GANC: variants seen among roughly 807,000 people sequenced by gnomAD.
The protein encoded by GANC is glucosidase alpha, neutral C, also known as neutral alpha-glucosidase C.
Under a neutral mutation model 124.2 loss-of-function variants are expected in GANC, and 117 were observed. The ratio of observed to expected loss-of-function variants is 0.94; its 90% CI spans 0.81 to 1.10. GANC has a LOEUF of 1.10. GANC is among the 50% of genes least tolerant of loss of function. The pLI is 0.00. For synonymous variants in GANC, 377 were observed against 376.8 expected (o/e 1.00, Z -0.01); for missense variants, 1,140 against 1,095.0 (o/e 1.04, Z -0.58).
intron 10 of GANC, among the ~76,000 whole-genome samples, chr15:42,315,962 ATAAG>A (rs946294916): frequency 2.0e-5 from 3 of 152,178 alleles, no homozygotes; most frequent in African/African-American, 4.8e-5. Context: ...CTTTAAATAA[ATAAG>A]TATTTGTATC....
chr15:42,277,701 A>G (rs2051685981), intron 2 of GANC, among the ~76,000 whole-genome samples: 2 of 151,480 alleles, frequency 1.3e-5, no homozygotes, highest in Non-Finnish European at 2.9e-5. Flanking sequence ...CCTGGGTTCA[A>G]GCGATTCTTC....
intron 10 of GANC, among the ~76,000 whole-genome samples, chr15:42,318,871 G>C (rs1485699829): frequency 2.0e-5 from 3 of 152,182 alleles, no homozygotes; most frequent in Non-Finnish European, 2.9e-5. Flanking sequence ...AGGGATTACA[G>C]GTGTGAGCCA....
chr15:42,277,223 C>G (rs531783256), intron 2 of GANC, among the ~76,000 whole-genome samples: 1 of 152,234 alleles, frequency 6.6e-6, no homozygotes, highest in South Asian at 2.1e-4. Context: ...CATTTGTACT[C>G]CTATCAACAT....
intron 15 of GANC, among the ~76,000 whole-genome samples, chr15:42,334,771 A>G (rs991119723): frequency 6.6e-6 from 1 of 152,112 alleles, no homozygotes; most frequent in Non-Finnish European, 1.5e-5. Flanking sequence ...AAAAATAATA[A>G]TAACAAAATA....
intron 10 of GANC, among the ~76,000 whole-genome samples, chr15:42,318,075 T>C (rs1219917441): frequency 1.3e-5 from 2 of 152,240 alleles, no homozygotes; most frequent in Non-Finnish European, 2.9e-5. Flanking sequence ...AGTCTACTTC[T>C]TTCCCTGGAG....
intron 10 of GANC, among the ~76,000 whole-genome samples, chr15:42,318,539 C>T (rs754574940): frequency 1.3e-5 from 2 of 152,174 alleles, no homozygotes; most frequent in Non-Finnish European, 2.9e-5. Context: ...CACTAACATT[C>T]CAAATTTCCA....
chr15:42,320,658 A>G (rs1195583633), intron 10 of GANC, among the ~76,000 whole-genome samples: 1 of 151,900 alleles, frequency 6.6e-6, no homozygotes, highest in Non-Finnish European at 1.5e-5. Context: ...CGTGTTGGCC[A>G]GGCTGGTCTC....
intron 19 of GANC, chr15:42,345,022 T>C (rs939326522): frequency 6.6e-6 from 1 of 152,168 alleles, no homozygotes; most frequent in East Asian, 1.9e-4. Flanking sequence ...GGAGGTGAAC[T>C]TGCAAAATAG....
At chr15:42,302,323 G>A (rs994326581) in intron 6 of GANC, among the ~76,000 whole-genome samples, 7 of 152,136 alleles carry the variant, frequency 4.6e-5, no homozygotes, top group Non-Finnish European at 7.3e-5. Context: ...CAAAAAGGAC[G>A]TCCACACAAA....
chr15:42,353,624 T>C lies in GANC; in HGVS notation c.*1485T>C. The C allele has an allele frequency of 2.0e-6, 2 of 985,650 alleles. No homozygotes were observed. The highest frequency in any genetic ancestry group is 2.4e-6 in the Non-Finnish European group (2 of 829,732). The allele number at this position is 985,650 out of a possible 1,614,324, so 61.1% of individuals were successfully genotyped here. On this transcript the variant is annotated 3_prime_UTR_variant, in exon 24 of 24. Coordinates refer to ENST00000318010, the MANE Select transcript of GANC (RefSeq NM_198141.3). ...TCAGTAACTGTTAGCTGTGATTAGTTAGCTGGTGGATTTAATTGATTAAAA... is the reference window on the plus strand; with the variant it reads ...TCAGTAACTGTTAGCTGTGATTAGTCAGCTGGTGGATTTAATTGATTAAAA...
chr15:42,288,699 C>A (rs1437233513), intron 4 of GANC, among the ~76,000 whole-genome samples: 1 of 151,996 alleles, frequency 6.6e-6, no homozygotes, highest in Non-Finnish European at 1.5e-5. Flanking sequence ...TTAATTTTTT[C>A]TTTTAATAGA....
chr15:42,318,888 C>G (rs191206129), intron 10 of GANC, among the ~76,000 whole-genome samples: 1 of 152,324 alleles, frequency 6.6e-6, no homozygotes, highest in Non-Finnish European at 1.5e-5. Context: ...GCCACCATGC[C>G]TGGCCCTAGG....
intron 3 of GANC, among the ~76,000 whole-genome samples, chr15:42,287,488 G>A (rs12902924): frequency 0.92 from 140,099 of 152,224 alleles, 65,517 homozygotes; most frequent in Non-Finnish European, 1. Context: ...GAACACATAG[G>A]AGATATTTCT....
chr15:42,328,791 C>G (rs1240128986), intron 13 of GANC, among the ~76,000 whole-genome samples: 1 of 152,192 alleles, frequency 6.6e-6, no homozygotes. Flanking sequence ...CCTTCCCACT[C>G]TAAACTGAAC....
chr15:42,351,277 C>T (rs2052433124), intron 22 of GANC, 52 bp from the exon 23 acceptor site: 2 of 1,314,976 alleles, frequency 1.5e-6, no homozygotes, highest in Non-Finnish European at 2.2e-6. Flanking sequence ...GAGCTGGTGG[C>T]CACTTCAAAC....
At chr15:42,312,685 A>C (rs1343184163) in intron 10 of GANC, among the ~76,000 whole-genome samples, 2 of 152,194 alleles carry the variant, frequency 1.3e-5, no homozygotes, top group Non-Finnish European at 2.9e-5. Context: ...CATGCCTGTA[A>C]TCCTGCACTT....
At chr15:42,347,358 C>T (rs2141082143) in intron 20 of GANC, among the ~76,000 whole-genome samples, 1 of 152,172 alleles carries the variant, frequency 6.6e-6, no homozygotes, top group East Asian at 1.9e-4. Context: ...ATTCTTGAGT[C>T]AGAGCAAAGC....
intron 8 of GANC, among the ~76,000 whole-genome samples, chr15:42,309,058 CT>C (rs1176125321): frequency 1.3e-5 from 2 of 152,096 alleles, no homozygotes; most frequent in Non-Finnish European, 2.9e-5. Flanking sequence ...CTCATATCAC[CT>C]TTAGTTTCCT....
At chr15:42,323,782 C>T (rs1485103577) in intron 11 of GANC, among the ~76,000 whole-genome samples, 8 of 152,128 alleles carry the variant, frequency 5.3e-5, no homozygotes, top group African/African-American at 1.4e-4. Flanking sequence ...GGGTTACAGG[C>T]GTGAGCCATC....
Sources: gnomAD v4.1 joint callset for allele counts (sites outside exome capture counted in the v4.1 genomes callset) on GRCh38, gnomAD v4.1.1 for gene constraint, MANE v1.5 for transcripts, NCBI Gene and HGNC (gene_info 2026-07-23, HGNC 2026-07-21) for gene names.